The following EPHA6 variants were observed in gnomAD, a reference collection of about 807,000 sequenced individuals.
EPHA6 encodes the protein ephrin type-A receptor 6.
In EPHA6, 50 loss-of-function variants were observed where a neutral mutation model predicts 112.0. The observed-to-expected ratio is 0.45, with a 90% confidence interval of 0.36 to 0.56. EPHA6 has a LOEUF of 0.56. Ranked by LOEUF, EPHA6 falls within the 20% of genes least tolerant of loss-of-function variation. EPHA6 has a pLI of 0.00. For synonymous variants in EPHA6, 529 were observed against 490.7 expected, an observed-to-expected ratio of 1.08 and a Z score of -1.03; for missense variants, 1,280 against 1,417.4, an observed-to-expected ratio of 0.90 and a Z score of 1.56.
chr3:97,405,215 C>T lies in EPHA6; in HGVS notation c.1672C>T (p.Gln558Ter). Residue 558 changes from glutamine (Q) to a stop codon, truncating the protein, a stop_gained, in exon 6 of 18, where the codon CAA becomes TAA. Transcript: ENST00000389672. LOFTEE classifies it high-confidence loss of function. ...CCAAAATAGCATTGCCCTATCATGG[C>T]AAGCACCTGCTTTTTCCAATGGAGC... Reference protein sequence around the residue: ...ASQNSIALSWQAPAFSNGAIL... With the variant: ...ASQNSIALSW The T allele has an allele frequency of 6.2e-7, 1 of 1,609,844 alleles. No individual in the cohort carries two copies.
At chr3:97,662,139 A>G (rs1165637808) in intron 14 of EPHA6, among the ~76,000 whole-genome samples, 1 of 152,122 alleles carries the variant, frequency 6.6e-6, no homozygotes, top group Non-Finnish European at 1.5e-5. Flanking sequence ...GAGGGAAAAA[A>G]GAGAAAAGAG....
chr3:96,954,920 A>C (rs2041700171), intron 2 of EPHA6, among the ~76,000 whole-genome samples: 2 of 143,544 alleles, frequency 1.4e-5, no homozygotes, highest in South Asian at 4.4e-4. Flanking sequence ...CAGCCTCCCG[A>C]GTAGCTGGAC....
intron 14 of EPHA6, among the ~76,000 whole-genome samples, chr3:97,713,742 AG>A (rs1421730529): frequency 6.6e-6 from 1 of 152,234 alleles, no homozygotes; most frequent in African/African-American, 2.4e-5. Context: ...GACCTCAGAA[AG>A]AGAATAGAAA....
At chr3:97,002,936 T>G (rs987392045) in intron 3 of EPHA6, among the ~76,000 whole-genome samples, 3 of 151,818 alleles carry the variant, frequency 2.0e-5, no homozygotes, top group African/African-American at 7.3e-5. Context: ...AAGAAAAGAG[T>G]TTAAAAATAG....
chr3:97,305,648 A>G (rs1204699158), intron 5 of EPHA6, among the ~76,000 whole-genome samples: 1 of 152,038 alleles, frequency 6.6e-6, no homozygotes, highest in Non-Finnish European at 1.5e-5. Context: ...GTTCTCCCTT[A>G]TAAGTGAGAG....
chr3:97,662,333 C>T (rs1032952092), intron 14 of EPHA6, among the ~76,000 whole-genome samples: 13 of 152,090 alleles, frequency 8.5e-5, no homozygotes, highest in Non-Finnish European at 1.6e-4. Context: ...TGCAGAATAA[C>T]TAAGGATTAA....
At chr3:97,647,012 G>C (rs1443039678) in intron 14 of EPHA6, among the ~76,000 whole-genome samples, 1 of 152,156 alleles carries the variant, frequency 6.6e-6, no homozygotes, top group African/African-American at 2.4e-5. Flanking sequence ...CCAGGGAAGA[G>C]AGGAACAAAA....
chr3:97,024,706 A>G (rs1021001466), intron 3 of EPHA6, among the ~76,000 whole-genome samples: 2 of 152,182 alleles, frequency 1.3e-5, no homozygotes, highest in East Asian at 1.9e-4. Context: ...AAGATATTTC[A>G]TTGAACATAT....
Position 97,243,959 on chromosome 3 carries a change from T to C in EPHA6, c.1278T>C (p.Pro426=), listed in dbSNP as rs753806867. The C allele has an allele frequency of 6.2e-7, 1 of 1,605,152 alleles. No individual in the cohort carries two copies. Among genetic ancestry groups the C allele is most frequent in the South Asian group, 1.1e-5 (1 of 90,226 alleles). Residue 426 remains proline, a synonymous_variant, in exon 5 of 18, where the codon CCT becomes CCC. Coordinates refer to ENST00000389672, the MANE Select transcript of EPHA6 (RefSeq NM_001080448.3). ...DPPSMACTRP[P]SAPRNVVFNI... ...TTAATTGCTTTTCTCTAGGGCCACC[T>C]TCAGCTCCTAGGAATGTGGTTTTTA...
At chr3:97,512,363 T>C (rs2092380574) in intron 10 of EPHA6, among the ~76,000 whole-genome samples, 2 of 152,234 alleles carry the variant, frequency 1.3e-5, no homozygotes, top group South Asian at 4.1e-4. Context: ...AAGTATTTGT[T>C]GCTGTTAAGG....
intron 5 of EPHA6, among the ~76,000 whole-genome samples, chr3:97,303,850 G>A (rs1401041179): frequency 1.3e-5 from 2 of 151,832 alleles, no homozygotes; most frequent in African/African-American, 2.4e-5. Context: ...CCACTTTTAC[G>A]ATATTGATTC....
At chr3:97,028,568 A>T (rs1330950670) in intron 3 of EPHA6, among the ~76,000 whole-genome samples, 1 of 152,044 alleles carries the variant, frequency 6.6e-6, no homozygotes, top group Non-Finnish European at 1.5e-5. Flanking sequence ...AAATTGCAAA[A>T]TTGATTTTTA....
intron 4 of EPHA6, among the ~76,000 whole-genome samples, chr3:97,239,865 A>T (rs1186911192): frequency 6.6e-6 from 1 of 151,908 alleles, no homozygotes; most frequent in African/African-American, 2.4e-5. Flanking sequence ...TCAACTGTAC[A>T]TTTTCATATA....
intron 14 of EPHA6, among the ~76,000 whole-genome samples, chr3:97,639,091 A>G (rs974753798): frequency 3.9e-5 from 6 of 152,082 alleles, no homozygotes; most frequent in Non-Finnish European, 7.4e-5. Flanking sequence ...AATGTTATCT[A>G]TTAATTTATC....
At chr3:97,589,458 G>GATA (rs139502297) in intron 11 of EPHA6, among the ~76,000 whole-genome samples, 2 of 151,786 alleles carry the variant, frequency 1.3e-5, no homozygotes, top group African/African-American at 4.8e-5. Flanking sequence ...AACTTTTTAA[G>GATA]ATAATAATAA....
At chr3:97,454,883 A>G (rs1475982292) in intron 7 of EPHA6, among the ~76,000 whole-genome samples, 2 of 151,936 alleles carry the variant, frequency 1.3e-5, no homozygotes, top group Non-Finnish European at 2.9e-5. Flanking sequence ...TGGTGGAGTA[A>G]TAAAGTTAAT....
At chr3:97,448,502 A>G (rs2090423440) in intron 6 of EPHA6, 66 bp from the exon 7 acceptor site, 2 of 1,527,142 alleles carry the variant, frequency 1.3e-6, no homozygotes, top group African/African-American at 2.7e-5. Context: ...TAAACTTTGG[A>G]ATGTTTCTAG....
intron 9 of EPHA6, chr3:97,481,575 G>A (rs907026739): frequency 1.7e-5 from 10 of 586,266 alleles, no homozygotes; most frequent in Non-Finnish European, 2.9e-5. Flanking sequence ...TCCGGCGCTG[G>A]GGGACTGTTG....
intron 2 of EPHA6, among the ~76,000 whole-genome samples, chr3:96,933,024 A>G (rs976872692): frequency 3.9e-5 from 6 of 152,072 alleles, no homozygotes; most frequent in Non-Finnish European, 8.8e-5. Context: ...CCAATGGCTT[A>G]TCTTGGGTAA....
Sources: allele counts gnomAD v4.1 joint callset (sites outside exome capture counted in the v4.1 genomes callset), GRCh38; gene constraint gnomAD v4.1.1; transcripts MANE v1.5; gene names NCBI Gene and HGNC (gene_info 2026-07-23, HGNC 2026-07-21).